Variants in HINT1 observed in about 807,000 individuals in gnomAD.
HINT1 encodes the protein adenosine 5'-monophosphoramidase HINT1.
HINT1 carries 12 observed loss-of-function variants against 11.2 expected under a neutral mutation model. The ratio of observed to expected loss-of-function variants is 1.07; its 90% CI spans 0.69 to 1.74. The LOEUF is 1.74. Ranked by LOEUF, HINT1 falls within the 40% of genes most tolerant of loss-of-function variation. The pLI, the probability that HINT1 is intolerant of heterozygous loss-of-function variation, is 0.00. For synonymous variants in HINT1, 42 were observed against 52.6 expected, an observed-to-expected ratio of 0.80 and a Z score of 0.87; for missense variants, 150 against 161.8, an observed-to-expected ratio of 0.93 and a Z score of 0.40.
Position 131,165,079 on chromosome 5 carries a change from G to A in HINT1, c.111+16C>T, listed in dbSNP as rs1283358519. On this transcript the variant is annotated intron_variant, in intron 1 of 2. Transcript: ENST00000304043. ...ACCCACCTCAGCAGGCGAGAGAGGT[G>A]GTGCCCAGTACCTACCCGGTCATCC... is the stretch of plus-strand genomic sequence containing the variant. The A allele has an allele frequency of 6.2e-7, 1 of 1,613,536 alleles. No homozygotes were observed. Among genetic ancestry groups the A allele is most frequent in the Non-Finnish European group, 8.5e-7 (1 of 1,179,816 alleles).
Position 131,159,258 on chromosome 5 carries a change from T to G in HINT1, c.*189A>C. 1 of 486,688 alleles carries G rather than the reference T, an allele frequency of 2.1e-6. No homozygotes were observed. The highest frequency in any genetic ancestry group is 3.6e-6 in the Non-Finnish European group (1 of 274,402). The allele number at this position is 486,688 out of a possible 1,614,324, so 30.1% of individuals were successfully genotyped here. ...TATTCCAACAAATATGTTTTTAAAA[T>G]AACAAATCAAACGCAACACTCAGAG... On this transcript the variant is annotated 3_prime_UTR_variant, in exon 3 of 3. Coordinates refer to ENST00000304043, the MANE Select transcript of HINT1 (RefSeq NM_005340.7).
At chr5:131,160,046 C>T (rs980322034) in intron 2 of HINT1, among the ~76,000 whole-genome samples, 5 of 151,918 alleles carry the variant, frequency 3.3e-5, no homozygotes, top group Non-Finnish European at 7.4e-5. Context: ...TGAGATGGGG[C>T]TTCTCCAATG....
chr5:131,164,166 A>G (rs900337307), intron 1 of HINT1, among the ~76,000 whole-genome samples: 1 of 152,200 alleles, frequency 6.6e-6, no homozygotes, highest in Non-Finnish European at 1.5e-5. Flanking sequence ...AAATTTAACA[A>G]AACTGTTTAC....
At chr5:131,165,006 G>A in intron 1 of HINT1, 89 bp downstream of exon 1, 1 of 1,572,256 alleles carries the variant, frequency 6.4e-7, no homozygotes, top group Non-Finnish European at 8.6e-7. Context: ...CGCTACACTC[G>A]CGACCCCTCC....
At chr5:131,163,939 G>A (rs1221727585) in intron 1 of HINT1, among the ~76,000 whole-genome samples, 1 of 152,104 alleles carries the variant, frequency 6.6e-6, no homozygotes, top group Non-Finnish European at 1.5e-5. Flanking sequence ...GTTGGACTTC[G>A]GTGGTTCAAA....
Position 131,161,602 on chromosome 5 carries a change from A to C in HINT1, c.216+970T>G, listed in dbSNP as rs1038122750. Among the ~76,000 whole-genome samples the C allele has an allele frequency of 2.2e-4, 33 of 152,244 alleles. 1 individual carries two copies. The South Asian group carries it at 2.3e-3, about 11-fold the overall frequency. Reference sequence around the variant, plus strand: ...AAGAACGAAACTCCGTCTCAAAAAAAAAAAAAAAAGAAAAAAATGTATTCT... The same window carrying C: ...AAGAACGAAACTCCGTCTCAAAAAACAAAAAAAAAGAAAAAAATGTATTCT... On this transcript the variant is annotated intron_variant, in intron 2 of 2. Coordinates refer to ENST00000304043, the MANE Select transcript of HINT1 (RefSeq NM_005340.7).
chr5:131,161,392 T>C (rs771681613), intron 2 of HINT1, among the ~76,000 whole-genome samples: 56 of 151,516 alleles, frequency 3.7e-4, no homozygotes, highest in Middle Eastern at 3.4e-3. Context: ...TCACGTGAGG[T>C]TGGGAGTTCG....
Position 131,159,243 on chromosome 5 carries a change from AAT to A in HINT1, c.*202_*203del, listed in dbSNP as rs1755187930. 1 of 467,870 alleles carries A rather than the reference AAT, an allele frequency of 2.1e-6. No individual in the cohort carries two copies. Among genetic ancestry groups the A allele is most frequent in the Non-Finnish European group, 3.8e-6 (1 of 263,612 alleles). The allele number at this position is 467,870 out of a possible 1,614,324, so 29.0% of individuals were successfully genotyped here. A position where few individuals can be genotyped will look rare whatever the true frequency, so the allele number is the denominator to read the frequency against. ...AAACCCACCTTCACATATTCCAACAAATATGTTTTTAAAATAACAAATCAAAC... is the reference window on the plus strand; with the variant it reads ...AAACCCACCTTCACATATTCCAACAAATGTTTTTAAAATAACAAATCAAAC... On this transcript the variant is annotated 3_prime_UTR_variant, in exon 3 of 3. Transcript: ENST00000304043.
intron 2 of HINT1, among the ~76,000 whole-genome samples, chr5:131,161,825 C>A (rs1454638317): frequency 6.6e-6 from 1 of 152,116 alleles, no homozygotes; most frequent in Non-Finnish European, 1.5e-5. Context: ...TGGGTTTGAC[C>A]CGTGCAGGTC....
intron 2 of HINT1, 144 bp downstream of exon 2, chr5:131,162,428 C>T: frequency 1.3e-6 from 2 of 1,526,892 alleles, no homozygotes; most frequent in Non-Finnish European, 1.8e-6. Flanking sequence ...TGGAAAACAG[C>T]TGGGCAGTTG....
chr5:131,165,036 C>T (rs770090831), intron 1 of HINT1, 59 bp downstream of exon 1: 19 of 1,608,616 alleles, frequency 1.2e-5, no homozygotes, highest in Non-Finnish European at 1.6e-5. Flanking sequence ...GCGAGAAACC[C>T]GAGGATCCGC....
At position 131,159,236 on chromosome 5, in the gene HINT1, TCCAACAAATATGTTTTTAAAATAA is replaced by T. The variant is rs1755187650; in HGVS notation, c.*187_*210del. ...AAATTATAAACCCACCTTCACATATTCCAACAAATATGTTTTTAAAATAACAAATCAAACGCAACACTCAGAGAG... is the reference window on the plus strand; with the variant it reads ...AAATTATAAACCCACCTTCACATATTCAAATCAAACGCAACACTCAGAGAG... On this transcript the variant is annotated 3_prime_UTR_variant, in exon 3 of 3. Transcript: ENST00000304043. The T allele has an allele frequency of 6.7e-6, 3 of 449,316 alleles. No homozygotes were observed. The South Asian group carries it at 1.4e-4, about 21-fold the overall frequency. 27.8% of individuals were successfully genotyped at this position (449,316 alleles called of 1,614,324 possible).
rs751105694 is a variant in HINT1, at chr5:131,162,563, T to C, written c.216+9A>G. 24 of 1,606,294 alleles carry C rather than the reference T, an allele frequency of 1.5e-5. No homozygotes were observed. The highest frequency in any genetic ancestry group is 3.3e-4 in the Middle Eastern group (2 of 6,076). On this transcript the variant is annotated intron_variant, in intron 2 of 2. Transcript: ENST00000304043. ...GCAAGAAAATAAATCATGTTAGAAA[T>C]GTACTTACACTTTCATCATCATCTT... is the stretch of plus-strand genomic sequence containing the variant.
At chr5:131,163,242 T>C (rs1235787564) in intron 1 of HINT1, among the ~76,000 whole-genome samples, 1 of 152,168 alleles carries the variant, frequency 6.6e-6, no homozygotes, top group Admixed American at 6.6e-5. Flanking sequence ...AAGCCTGATT[T>C]AGATTAAGTG....
At position 131,165,134 on chromosome 5, in the gene HINT1, G is replaced by T; in HGVS notation, c.72C>A (p.Arg24=). 1.2e-6 allele frequency: 2 copies of T among 1,613,174 alleles called. No homozygotes were observed. The highest frequency in any genetic ancestry group is 1.7e-6 in the Non-Finnish European group (2 of 1,179,926). The part of the protein sequence containing the change: ...GGDTIFGKII[R]KEIPAKIIFE... ...AAATGATTTTGGCTGGTATTTCCTT[G>T]CGGATGATCTTCCCAAAGATCGTGT... Residue 24 remains arginine (R), a synonymous_variant, in exon 1 of 3, where the codon CGC becomes CGA. Transcript: ENST00000304043.
At chr5:131,159,718 C>T in intron 2 of HINT1, 107 bp from the exon 3 acceptor site, 1 of 1,037,222 alleles carries the variant, frequency 9.6e-7, no homozygotes, top group Non-Finnish European at 1.4e-6. Context: ...CTCATTGAAA[C>T]ACAACCCTTT....
Position 131,165,088 on chromosome 5 carries a change from T to C in HINT1, c.111+7A>G, listed in dbSNP as rs746027226. 3 of 1,613,648 alleles carry C rather than the reference T, an allele frequency of 1.9e-6. No homozygotes were observed. The highest frequency in any genetic ancestry group is 2.2e-5 in the South Asian group (2 of 91,082). ...AGCAGGCGAGAGAGGTGGTGCCCAG[T>C]ACCTACCCGGTCATCCTCAAAAATG... On this transcript the variant is annotated splice_region_variant and intron_variant, in intron 1 of 2. Transcript: ENST00000304043.
Position 131,159,385 on chromosome 5 carries a change from A to C in HINT1, c.*62T>G. The C allele has an allele frequency of 6.8e-7, 1 of 1,476,208 alleles. No homozygotes were observed. Among genetic ancestry groups the C allele is most frequent in the Middle Eastern group, 2.5e-4 (1 of 4,068 alleles). The allele number at this position is 1,476,208 out of a possible 1,614,324, so 91.4% of individuals were successfully genotyped here. ...GGCAAAAATAAGTGTGTTACTTAACATACTGGAAATTGCCTAACTTAATCA... is the reference window on the plus strand; with the variant it reads ...GGCAAAAATAAGTGTGTTACTTAACCTACTGGAAATTGCCTAACTTAATCA... On this transcript the variant is annotated 3_prime_UTR_variant, in exon 3 of 3. Coordinates refer to ENST00000304043, the MANE Select transcript of HINT1 (RefSeq NM_005340.7).
intron 2 of HINT1, chr5:131,160,753 T>C (rs1228574371): frequency 2.4e-6 from 2 of 823,750 alleles, no homozygotes; most frequent in Non-Finnish European, 3.5e-6. Flanking sequence ...GGTGTGGCGA[T>C]ATGCATTCAG....
Sources: allele counts gnomAD v4.1 joint callset (sites outside exome capture counted in the v4.1 genomes callset), GRCh38; gene constraint gnomAD v4.1.1; transcripts MANE v1.5; gene names NCBI Gene and HGNC (gene_info 2026-07-23, HGNC 2026-07-21).